The following MYO1H variants were observed in gnomAD, a reference collection of about 807,000 sequenced individuals.
The protein encoded by MYO1H is unconventional myosin-Ih.
In MYO1H, 118 loss-of-function variants were observed where a neutral mutation model predicts 149.3. The observed-to-expected ratio is 0.79, with a 90% CI of 0.68 to 0.92. The LOEUF (loss-of-function observed/expected upper bound fraction) is 0.92. MYO1H is among the 40% of genes least tolerant of loss of function. The probability of loss-of-function intolerance (pLI) is 0.00; values close to 1 mark genes in which losing one functional copy is unlikely to be tolerated. For missense variants in MYO1H, 1,212 were observed against 1,280.7 expected (o/e 0.95, Z 0.82); for synonymous variants, 447 against 465.2 (o/e 0.96, Z 0.50).
At chr12:109,392,109 G>A (rs1869680805) in intron 2 of MYO1H, among the ~76,000 whole-genome samples, 1 of 152,114 alleles carries the variant, frequency 6.6e-6, no homozygotes, top group Non-Finnish European at 1.5e-5. Flanking sequence ...ATTGCTTTTG[G>A]CATTTTCATC....
At chr12:109,339,028 A>T in the MYO1H span, among the ~76,000 whole-genome samples, 4 of 152,176 alleles carry the variant, frequency 2.6e-5, no homozygotes, top group African/African-American at 9.6e-5. Flanking sequence ...GTATTGCTTC[A>T]TATGTAAATT....
intron 1 of MYO1H, among the ~76,000 whole-genome samples, chr12:109,376,502 GT>G (rs1489228662): frequency 1.3e-5 from 2 of 152,130 alleles, no homozygotes; most frequent in Non-Finnish European, 2.9e-5. Flanking sequence ...TAGGCATACA[GT>G]TTTTTTGCAC....
At position 109,418,082 on chromosome 12, in the gene MYO1H, C is replaced by A. The variant is rs547462859; in HGVS notation, c.1597+2462C>A. ...CCACCCACCTCGGCCTCCCAAAGTT[C>A]TGGGATTACAGGTGTGAGCCACCGC... On this transcript the variant is annotated intron_variant, in intron 15 of 31. Coordinates refer to ENST00000310903, the Ensembl canonical transcript of MYO1H. Among the ~76,000 whole-genome samples the A allele has an allele frequency of 6.3e-4, 96 of 152,128 alleles. 1 individual carries two copies. The South Asian group carries it at 0.02, about 32-fold the overall frequency.
intron 17 of MYO1H, among the ~76,000 whole-genome samples, chr12:109,425,062 G>C (rs540602909): frequency 6.6e-6 from 1 of 152,252 alleles, no homozygotes; most frequent in Non-Finnish European, 1.5e-5. Context: ...TTGAGGCCAG[G>C]AGTTCAAGAC....
chr12:109,389,821 T>C (rs1423123546), intron 2 of MYO1H, among the ~76,000 whole-genome samples: 1 of 152,198 alleles, frequency 6.6e-6, no homozygotes, highest in Non-Finnish European at 1.5e-5. Flanking sequence ...AATTGTCTTA[T>C]AGCTATTTTG....
intron 10 of MYO1H, among the ~76,000 whole-genome samples, chr12:109,408,647 T>C (rs1420000636): frequency 6.6e-6 from 1 of 152,102 alleles, no homozygotes; most frequent in East Asian, 1.9e-4. Flanking sequence ...AATTAAGAAA[T>C]GATACATGGA....
intron 1 of MYO1H, among the ~76,000 whole-genome samples, chr12:109,363,626 C>A (rs1273175242): frequency 6.6e-6 from 1 of 151,932 alleles, no homozygotes; most frequent in Admixed American, 6.6e-5. Flanking sequence ...GCAGGAGAAT[C>A]GCTTGAACCC....
intron 18 of MYO1H, among the ~76,000 whole-genome samples, chr12:109,427,134 G>A (rs1031174078): frequency 3.3e-5 from 5 of 151,916 alleles, no homozygotes; most frequent in South Asian, 2.1e-4. Context: ...TGGCCAACAC[G>A]GTGAAACCAC....
chr12:109,332,366 A>C, the MYO1H span, among the ~76,000 whole-genome samples: 3 of 152,118 alleles, frequency 2.0e-5, no homozygotes, highest in African/African-American at 7.2e-5. Context: ...GTTTTGTTTC[A>C]TCCCGGGCTT....
At chr12:109,438,873 A>T (rs1447130990) in intron 23 of MYO1H, among the ~76,000 whole-genome samples, 1 of 152,246 alleles carries the variant, frequency 6.6e-6, no homozygotes, top group Non-Finnish European at 1.5e-5. Context: ...TTCTGATGCC[A>T]GGCAGGTAAA....
intron 6 of MYO1H, among the ~76,000 whole-genome samples, chr12:109,402,413 G>A (rs1282658300): frequency 6.6e-6 from 1 of 152,138 alleles, no homozygotes; most frequent in Non-Finnish European, 1.5e-5. Flanking sequence ...CTCATAAAAT[G>A]AGGATCAACA....
chr12:109,320,623 CAAAA>C, the MYO1H span, among the ~76,000 whole-genome samples: 20,536 of 92,428 alleles, frequency 0.22, 1,423 homozygotes, highest in African/African-American at 0.29. Flanking sequence ...GAATCTGTCT[CAAAA>C]AAAAAAAAAA....
intron 1 of MYO1H, among the ~76,000 whole-genome samples, chr12:109,352,094 C>G (rs184640132): frequency 6.6e-6 from 1 of 152,126 alleles, no homozygotes; most frequent in African/African-American, 2.4e-5. Flanking sequence ...GAAGATGAAG[C>G]CTTTTTTCTC....
intron 1 of MYO1H, among the ~76,000 whole-genome samples, chr12:109,362,600 A>AG (rs1180648957): frequency 1.3e-5 from 2 of 152,218 alleles, no homozygotes; most frequent in African/African-American, 4.8e-5. Flanking sequence ...GTCATGCAGA[A>AG]GTAGGATTGG....
At chr12:109,442,997 GAAA>G (rs35940183) in intron 27 of MYO1H, among the ~76,000 whole-genome samples, 2,410 of 67,688 alleles carry the variant, frequency 0.036, 170 homozygotes, top group African/African-American at 0.068. Flanking sequence ...AGAGAGCCAG[GAAA>G]AAAAAAAAAA....
intron 8 of MYO1H, 42 bp downstream of exon 8, chr12:109,406,077 G>C: frequency 2.8e-6 from 4 of 1,449,142 alleles, no homozygotes; most frequent in Non-Finnish European, 3.9e-6. Context: ...AGGGGGATGG[G>C]TGGGAGAGAA....
intron 19 of MYO1H, among the ~76,000 whole-genome samples, chr12:109,429,086 A>G (rs1312213669): frequency 1.3e-5 from 2 of 152,206 alleles, no homozygotes; most frequent in Non-Finnish European, 2.9e-5. Context: ...GCATGCCTGT[A>G]ATTCCAGCTA....
At chr12:109,378,311 T>TC (rs398021027) in intron 1 of MYO1H, among the ~76,000 whole-genome samples, 1 of 149,322 alleles carries the variant, frequency 6.7e-6, no homozygotes, top group East Asian at 1.9e-4. Flanking sequence ...TCTTTTTTTT[T>TC]CTTTTTTATT....
At chr12:109,397,173 A>C (rs952479725) in intron 4 of MYO1H, among the ~76,000 whole-genome samples, 5 of 152,064 alleles carry the variant, frequency 3.3e-5, no homozygotes, top group African/African-American at 9.7e-5. Context: ...CAAAAAACAC[A>C]CAGCAGAATT....
Sources: allele counts gnomAD v4.1 joint callset (sites outside exome capture counted in the v4.1 genomes callset), GRCh38; gene constraint gnomAD v4.1.1; transcripts MANE v1.5; gene names NCBI Gene and HGNC (gene_info 2026-07-23, HGNC 2026-07-21).